The following PREX1 variants were observed in gnomAD, a reference collection of about 807,000 sequenced individuals.
PREX1 encodes the protein phosphatidylinositol 3,4,5-trisphosphate-dependent Rac exchanger 1 protein.
PREX1 carries 41 observed loss-of-function variants against 198.3 expected under a neutral mutation model. The observed-to-expected ratio is 0.21, with a 90% CI of 0.16 to 0.27. The LOEUF (loss-of-function observed/expected upper bound fraction) is 0.27, where lower values mean the gene tolerates loss of function less well. PREX1 is among the 10% of genes least tolerant of loss of function. PREX1 has a pLI of 1.00. For missense variants in PREX1, 1,620 were observed against 2,200.7 expected (o/e 0.74, Z 5.28); for synonymous variants, 843 against 887.2 (o/e 0.95, Z 0.89).
intron 1 of PREX1, among the ~76,000 whole-genome samples, chr20:48,759,598 G>A (rs1747048173): frequency 6.6e-6 from 1 of 150,504 alleles, no homozygotes; most frequent in South Asian, 2.1e-4. Context: ...AATACTACAG[G>A]CAAAGCATTT....
the PREX1 span, among the ~76,000 whole-genome samples, chr20:48,845,586 C>T: frequency 6.6e-6 from 1 of 151,718 alleles, no homozygotes; most frequent in Non-Finnish European, 1.5e-5. Context: ...CCTTTAGTCC[C>T]AGCTACTCTG....
chr20:48,822,691 ATCT>A (rs2090491712), intron 1 of PREX1, among the ~76,000 whole-genome samples: 1 of 152,224 alleles, frequency 6.6e-6, no homozygotes, highest in Admixed American at 6.5e-5. Flanking sequence ...TTACTTCCTT[ATCT>A]TCCTGGTTGC....
At chr20:48,658,252 C>T in intron 16 of PREX1, 24 bp from the exon 17 acceptor site, 1 of 1,611,850 alleles carries the variant, frequency 6.2e-7, no homozygotes, top group Non-Finnish European at 8.5e-7. Flanking sequence ...GCAGAAGGAA[C>T]CCGGTCAGGG....
intron 2 of PREX1, among the ~76,000 whole-genome samples, chr20:48,746,681 G>A (rs1195287155): frequency 5.3e-5 from 8 of 151,994 alleles, no homozygotes; most frequent in African/African-American, 1.9e-4. Flanking sequence ...TGGTACACTG[G>A]TGCATTCGTA....
intron 1 of PREX1, among the ~76,000 whole-genome samples, chr20:48,777,536 A>AGCTAGAGT (rs893121814): frequency 1.1e-4 from 16 of 152,188 alleles, no homozygotes; most frequent in African/African-American, 3.6e-4. Context: ...AAAACTTGAC[A>AGCTAGAGT]GCTAGAGTCA....
intron 14 of PREX1, among the ~76,000 whole-genome samples, chr20:48,670,415 T>G (rs1184320175): frequency 6.6e-6 from 1 of 152,080 alleles, no homozygotes; most frequent in Non-Finnish European, 1.5e-5. Flanking sequence ...CATGGGAGCA[T>G]GCAGATCTGT....
the PREX1 span, among the ~76,000 whole-genome samples, chr20:48,839,045 C>T: frequency 2.6e-5 from 2 of 77,472 alleles, no homozygotes; most frequent in African/African-American, 5.2e-5. Context: ...TTTAAAATAA[C>T]AAGAGTAGTT....
At chr20:48,832,519 A>C (rs2090539351), upstream of PREX1, among the ~76,000 whole-genome samples, 1 of 152,226 alleles carries the variant, frequency 6.6e-6, no homozygotes, top group Admixed American at 6.5e-5. Flanking sequence ...ATGAGTTCTC[A>C]AAAGTCAGAC....
the PREX1 span, among the ~76,000 whole-genome samples, chr20:48,841,804 C>T: frequency 6.8e-4 from 104 of 152,272 alleles, no homozygotes; most frequent in Non-Finnish European, 1.3e-3. Context: ...ACTAACCCCC[C>T]GCCCACCCTA....
chr20:48,650,355 T>C (rs1400085397), intron 23 of PREX1, 149 bp from the exon 24 acceptor site: 15 of 832,908 alleles, frequency 1.8e-5, no homozygotes, highest in Admixed American at 5.4e-5. Context: ...GGGGAACCCC[T>C]GGACTGTGTT....
At chr20:48,712,925 A>G (rs1601091944) in intron 5 of PREX1, among the ~76,000 whole-genome samples, 1 of 152,206 alleles carries the variant, frequency 6.6e-6, no homozygotes, top group African/African-American at 2.4e-5. Context: ...GGAGTTCGAG[A>G]CCAGCCTGGC....
At chr20:48,650,231 C>T (rs2089483364) in intron 23 of PREX1, 25 bp from the exon 24 acceptor site, 8 of 1,582,648 alleles carry the variant, frequency 5.1e-6, no homozygotes, top group East Asian at 2.2e-5. Flanking sequence ...GCCGTAAGGT[C>T]GTGAATCACA....
chr20:48,779,024 G>A (rs745859219), intron 1 of PREX1, among the ~76,000 whole-genome samples: 14 of 152,194 alleles, frequency 9.2e-5, no homozygotes, highest in Non-Finnish European at 1.3e-4. Context: ...GAACAAAAAT[G>A]AAAACTTTTG....
At chr20:48,759,921 G>A (rs939998377) in intron 1 of PREX1, among the ~76,000 whole-genome samples, 2 of 151,974 alleles carry the variant, frequency 1.3e-5, no homozygotes, top group African/African-American at 4.8e-5. Flanking sequence ...AATCAATACG[G>A]CAAAACCTCA....
At chr20:48,843,933 C>T in the PREX1 span, among the ~76,000 whole-genome samples, 1 of 152,012 alleles carries the variant, frequency 6.6e-6, no homozygotes, top group Non-Finnish European at 1.5e-5. Context: ...TTGCTTGAGG[C>T]CAGGAGTTCA....
chr20:48,804,716 T>C (rs1247836829), intron 1 of PREX1, among the ~76,000 whole-genome samples: 2 of 152,188 alleles, frequency 1.3e-5, no homozygotes, highest in Non-Finnish European at 2.9e-5. Flanking sequence ...GAGACCATGG[T>C]GGCTGAGACC....
At chr20:48,882,908 G>GTCCA in the PREX1 span, among the ~76,000 whole-genome samples, 1 of 144,388 alleles carries the variant, frequency 6.9e-6, no homozygotes, top group Non-Finnish European at 1.5e-5. Context: ...CAAATTCTTT[G>GTCCA]TCCATCCTTC....
chr20:48,844,853 T>G, the PREX1 span, among the ~76,000 whole-genome samples: 1 of 152,236 alleles, frequency 6.6e-6, no homozygotes, highest in Non-Finnish European at 1.5e-5. Context: ...ATGGATATAC[T>G]GCTTGTATGG....
chr20:48,697,217 T>C (rs2089851393), intron 7 of PREX1, among the ~76,000 whole-genome samples: 1 of 152,108 alleles, frequency 6.6e-6, no homozygotes, highest in Non-Finnish European at 1.5e-5. Flanking sequence ...TCTAACCACA[T>C]TACATGTGTA....
Sources: gnomAD v4.1 joint callset for allele counts (sites outside exome capture counted in the v4.1 genomes callset) on GRCh38, gnomAD v4.1.1 for gene constraint, MANE v1.5 for transcripts, NCBI Gene and HGNC (gene_info 2026-07-23, HGNC 2026-07-21) for gene names.